The following CUX1 variants were observed in gnomAD, a reference collection of about 807,000 sequenced individuals.
The protein encoded by CUX1 is cut like homeobox 1.
A neutral mutation model predicts 158.8 loss-of-function variants in CUX1; 31 were observed. That is an observed-to-expected ratio of 0.20 (90% confidence interval 0.15 to 0.26). The LOEUF (loss-of-function observed/expected upper bound fraction) is 0.26, where lower values mean the gene tolerates loss of function less well. Ranked by LOEUF, CUX1 falls within the 10% of genes least tolerant of loss-of-function variation. The probability of loss-of-function intolerance (pLI) is 1.00; values close to 1 mark genes in which losing one functional copy is unlikely to be tolerated. For missense variants in CUX1, 1,589 were observed against 2,014.6 expected, an observed-to-expected ratio of 0.79 and a Z score of 4.04; for synonymous variants, 879 against 862.1, an observed-to-expected ratio of 1.02 and a Z score of -0.34.
At chr7:102,204,731 A>T (rs1056038152) in intron 19 of CUX1, among the ~76,000 whole-genome samples, 175 bp downstream of exon 19, 47 of 152,360 alleles carry the variant, frequency 3.1e-4, no homozygotes, top group African/African-American at 1.1e-3. Context: ...CTTCCTCCAC[A>T]ACCTGTTGCC....
chr7:102,245,494 G>A (rs782193925), intron 23 of CUX1, among the ~76,000 whole-genome samples: 9 of 152,258 alleles, frequency 5.9e-5, no homozygotes, highest in African/African-American at 1.4e-4. Context: ...AACGGTGTCC[G>A]CTCCCCACCC....
At chr7:101,863,911 G>C (rs1414488564) in intron 1 of CUX1, among the ~76,000 whole-genome samples, 2 of 152,142 alleles carry the variant, frequency 1.3e-5, no homozygotes, top group Non-Finnish European at 2.9e-5. Context: ...ATATTCCGTG[G>C]TGTGTGTATA....
At chr7:102,176,486 C>A (rs1792352938) in intron 10 of CUX1, among the ~76,000 whole-genome samples, 1 of 151,924 alleles carries the variant, frequency 6.6e-6, no homozygotes, top group African/African-American at 2.4e-5. Flanking sequence ...CCACCCCTGT[C>A]CCCGTCTGTC....
intron 2 of CUX1, among the ~76,000 whole-genome samples, chr7:101,921,317 C>T (rs377481152): frequency 1.6e-4 from 24 of 152,090 alleles, no homozygotes; most frequent in East Asian, 9.6e-4. Context: ...ACAGGCCTGT[C>T]CCTAGAGTTT....
At chr7:101,919,675 T>G (rs1020601808) in intron 2 of CUX1, among the ~76,000 whole-genome samples, 1 of 152,182 alleles carries the variant, frequency 6.6e-6, no homozygotes, top group Non-Finnish European at 1.5e-5. Flanking sequence ...GTCTGATGAA[T>G]GTCTAATGTG....
At chr7:101,864,484 G>T (rs146795527) in intron 1 of CUX1, among the ~76,000 whole-genome samples, 1 of 151,704 alleles carries the variant, frequency 6.6e-6, no homozygotes, top group African/African-American at 2.4e-5. Context: ...TTTTTTAATG[G>T]TAGACATCTT....
chr7:102,207,985 C>G (rs564213078), intron 20 of CUX1, among the ~76,000 whole-genome samples: 1 of 151,968 alleles, frequency 6.6e-6, no homozygotes, highest in Non-Finnish European at 1.5e-5. Context: ...CTTAGGAGTT[C>G]GAGACCAGCC....
chr7:101,919,959 G>A (rs1804704614), intron 2 of CUX1, among the ~76,000 whole-genome samples: 1 of 152,120 alleles, frequency 6.6e-6, no homozygotes, highest in Admixed American at 6.5e-5. Flanking sequence ...ACAGGATCCT[G>A]CTCTGTCACC....
rs1554519232 is a variant in CUX1, at chr7:102,200,110, C to T, written c.2000C>T (p.Ser667Phe). The change falls in exon 17 of 24, where the codon TCT (serine) becomes TTT (phenylalanine). Residue 667 changes from serine (S) to phenylalanine (F), a missense_variant. By Grantham distance (155) the Ser-to-Phe change is radical (BLOSUM62 -2). Coordinates refer to ENST00000292535, the MANE Select transcript of CUX1 (RefSeq NM_181552.4). ...TTRIRASETGSDEAIKSILEQ... is the reference protein window; with the variant it reads ...TTRIRASETGFDEAIKSILEQ... ...CGGATCCGAGCCTCGGAGACTGGCT[C>T]TGATGAAGCCATCAAGTCCATCCTA... 2 of 1,613,754 alleles carry T rather than the reference C, an allele frequency of 1.2e-6. No individual in the cohort carries two copies. Among genetic ancestry groups the T allele is most frequent in the South Asian group, 2.2e-5 (2 of 91,002 alleles).
At chr7:102,008,361 C>A (rs1314714700) in intron 2 of CUX1, among the ~76,000 whole-genome samples, 4 of 151,882 alleles carry the variant, frequency 2.6e-5, no homozygotes, top group African/African-American at 4.8e-5. Context: ...AAAGCCCCCC[C>A]ACCTCTACTC....
intron 1 of CUX1, among the ~76,000 whole-genome samples, chr7:101,856,457 TG>T (rs1163383798): frequency 6.6e-6 from 1 of 152,196 alleles, no homozygotes; most frequent in Non-Finnish European, 1.5e-5. Context: ...TCAAGAAGTC[TG>T]GTAGATAATG....
chr7:102,179,318 G>A (rs1792766504), intron 11 of CUX1, among the ~76,000 whole-genome samples: 1 of 152,224 alleles, frequency 6.6e-6, no homozygotes, highest in African/African-American at 2.4e-5. Context: ...AAAGTGCTGA[G>A]ATTACAGGTC....
chr7:102,150,720 T>C (rs1226832070), intron 8 of CUX1, among the ~76,000 whole-genome samples: 3 of 152,220 alleles, frequency 2.0e-5, no homozygotes, highest in Admixed American at 2.0e-4. Flanking sequence ...ACCTTGACCA[T>C]GTCCTTTTCA....
At chr7:101,817,341 T>C (rs1156998531), upstream of CUX1, 2 of 984,336 alleles carry the variant, frequency 2.0e-6, no homozygotes, top group Admixed American at 6.2e-5. The surrounding 1 kb of genome is among the most constrained non-coding windows in gnomAD (Gnocchi z 4.1). Context: ...GGGCCCGCCA[T>C]GGAGCGCGCG....
At chr7:102,259,741 TAA>T (rs11306437), downstream of CUX1, among the ~76,000 whole-genome samples, 280 of 74,582 alleles carry the variant, frequency 3.8e-3, 1 homozygote, top group East Asian at 9.3e-3. Flanking sequence ...TAAGAAATGT[TAA>T]AAAAAAAAAA....
At chr7:101,936,346 GGGGGT>G (rs1563031874) in intron 2 of CUX1, among the ~76,000 whole-genome samples, 1 of 152,094 alleles carries the variant, frequency 6.6e-6, no homozygotes, top group African/African-American at 2.4e-5. Flanking sequence ...CAGGTGTGAC[GGGGGT>G]GGGGAGAAAG....
At chr7:102,064,839 C>T (rs549370005) in intron 3 of CUX1, among the ~76,000 whole-genome samples, 2 of 152,324 alleles carry the variant, frequency 1.3e-5, no homozygotes, top group Non-Finnish European at 2.9e-5. Context: ...TCCCTCCCTC[C>T]CTCTAGACTC....
intron 2 of CUX1, among the ~76,000 whole-genome samples, chr7:102,025,718 A>T (rs1819941938): frequency 6.6e-6 from 1 of 152,220 alleles, no homozygotes; most frequent in Non-Finnish European, 1.5e-5. Flanking sequence ...TAGTTGAGGA[A>T]GTAACAGGAT....
At chr7:102,000,820 A>C (rs1268162950) in intron 2 of CUX1, among the ~76,000 whole-genome samples, 2 of 152,132 alleles carry the variant, frequency 1.3e-5, no homozygotes, top group Non-Finnish European at 2.9e-5. Flanking sequence ...CCCAGGCTGG[A>C]GTGCAGTGGT....
Sources: allele counts gnomAD v4.1 joint callset (sites outside exome capture counted in the v4.1 genomes callset), GRCh38; gene constraint gnomAD v4.1.1; non-coding constraint Gnocchi (gnomAD v3.1); transcripts MANE v1.5; gene names NCBI Gene and HGNC (gene_info 2026-07-23, HGNC 2026-07-21).